CCNH: variants seen among roughly 807,000 people sequenced by gnomAD.
CCNH encodes the protein cyclin-H.
CCNH carries 31 observed loss-of-function variants against 41.9 expected under a neutral mutation model. The ratio of observed to expected loss-of-function variants is 0.74; its 90% confidence interval spans 0.56 to 1.00. CCNH has a LOEUF of 1.00. CCNH is among the 50% of genes least tolerant of loss of function. The pLI is 0.00. For missense variants in CCNH, 362 were observed against 388.4 expected, an observed-to-expected ratio of 0.93 and a Z score of 0.57; for synonymous variants, 138 against 136.1, an observed-to-expected ratio of 1.01 and a Z score of -0.10.
downstream of CCNH, chr5:87,393,679 A>G (rs1214215939): frequency 1.3e-5 from 2 of 152,190 alleles, no homozygotes; most frequent in African/African-American, 2.4e-5. Flanking sequence ...TAGGTTAATT[A>G]TAAGGCTGTG....
chr5:87,371,943 ATGTTAT>A (rs150449762), downstream of CCNH, among the ~76,000 whole-genome samples: 4,484 of 151,908 alleles, frequency 0.03, 92 homozygotes, highest in East Asian at 0.1. Context: ...TGTTATTGTT[ATGTTAT>A]TGTTATTTTA....
Position 87,404,951 on chromosome 5 carries a change from A to T in CCNH, c.582T>A (p.Phe194Leu). Residue 194 changes from phenylalanine (F) to leucine (L), a missense_variant, in exon 5 of 9, where the codon TTT (phenylalanine) becomes TTA (leucine). Phe to Leu is a conservative substitution (Grantham distance 22). Coordinates refer to ENST00000256897, the MANE Select transcript of CCNH (RefSeq NM_001239.4). ...PEILRKTADDFLNRIALTDAY... is the reference protein window; with the variant it reads ...PEILRKTADDLLNRIALTDAY... Reference sequence around the variant, plus strand: ...CATCCGTCAATGCAATTCTATTAAGAAAGTCATCAGCTGTTTTCCTCAAAA... The same window carrying T: ...CATCCGTCAATGCAATTCTATTAAGTAAGTCATCAGCTGTTTTCCTCAAAA... 1 of 1,613,570 alleles carries T rather than the reference A, an allele frequency of 6.2e-7. No homozygotes were observed. The highest frequency in any genetic ancestry group is 8.5e-7 in the Non-Finnish European group (1 of 1,179,572).
chr5:87,356,925 G>T (rs1431228330), intron 9 of CCNH, among the ~76,000 whole-genome samples: 1 of 152,124 alleles, frequency 6.6e-6, no homozygotes, highest in Non-Finnish European at 1.5e-5. Flanking sequence ...TGAGAACAGA[G>T]ATTTTTGTTT....
intron 9 of CCNH, chr5:87,337,990 A>G (rs751601332): frequency 1.2e-6 from 2 of 1,609,192 alleles, no homozygotes; most frequent in East Asian, 2.2e-5. Flanking sequence ...AAAAGGAGAT[A>G]TGTTCATTGT....
At chr5:87,390,702 C>A, downstream of CCNH, 1 of 933,384 alleles carries the variant, frequency 1.1e-6, no homozygotes, top group Non-Finnish European at 1.7e-6. Context: ...TTTTATGCAT[C>A]CTTTTGCTTT....
chr5:87,315,218 AT>A (rs1379423674), downstream of CCNH, among the ~76,000 whole-genome samples: 1 of 152,220 alleles, frequency 6.6e-6, no homozygotes, highest in Non-Finnish European at 1.5e-5. Context: ...CTGGTAATTT[AT>A]TTTAAAAAAC....
At chr5:87,384,953 T>C (rs962854278) in intron 9 of CCNH, among the ~76,000 whole-genome samples, 3 of 152,042 alleles carry the variant, frequency 2.0e-5, no homozygotes, top group Non-Finnish European at 4.4e-5. Context: ...TTGTGAACTG[T>C]CATAAAAGAT....
In CCNH at chr5:87,408,028, A is replaced by T. The variant is rs1333302279; in HGVS notation, c.473T>A (p.Leu158His). Residue 158 changes from leucine to histidine, a missense_variant, in exon 4 of 9, where the codon CTT becomes CAT. Transcript: ENST00000256897. ...LLLIQQLNFH[L>H]IVHNPYRPFE... The stretch of plus-strand genomic sequence containing the variant: ...TGGTCTGTAAGGATTGTGGACAATA[A>T]GGTGGAAATTAAGTTGCTGTATAAG... 6.8e-6 allele frequency: 11 copies of T among 1,613,816 alleles called. No homozygotes were observed. Among genetic ancestry groups the T allele is most frequent in the Non-Finnish European group, 9.3e-6 (11 of 1,179,776 alleles).
chr5:87,320,065 G>A (rs1580252027), intron 9 of CCNH, among the ~76,000 whole-genome samples: 1 of 152,196 alleles, frequency 6.6e-6, no homozygotes, highest in Admixed American at 6.5e-5. Context: ...GGGGCACAAT[G>A]CTGCCAGTCT....
upstream of CCNH, chr5:87,378,423 C>G: frequency 6.2e-7 from 1 of 1,612,838 alleles, no homozygotes; most frequent in Non-Finnish European, 8.5e-7. Context: ...TTTCGAGCCA[C>G]AACACTTGCA....
intron 9 of CCNH, chr5:87,331,625 A>G (rs567438975): frequency 9.1e-7 from 1 of 1,094,578 alleles, no homozygotes; most frequent in Admixed American, 2.0e-5. Context: ...GCTTGTTTTC[A>G]GTCAAATGAT....
chr5:87,384,977 A>G (rs188454564), intron 9 of CCNH, among the ~76,000 whole-genome samples: 83 of 151,946 alleles, frequency 5.5e-4, no homozygotes, highest in Middle Eastern at 3.4e-3. Context: ...AGGAGTGACA[A>G]TCTTTTTTAG....
downstream of CCNH, among the ~76,000 whole-genome samples, chr5:87,317,590 G>A (rs1756435589): frequency 6.6e-6 from 1 of 150,748 alleles, no homozygotes; most frequent in African/African-American, 2.4e-5. Flanking sequence ...TGTTTTTAAG[G>A]AAAAGATGAC....
chr5:87,409,662 G>A (rs1302360140), intron 2 of CCNH, among the ~76,000 whole-genome samples: 1 of 150,384 alleles, frequency 6.6e-6, no homozygotes, highest in Non-Finnish European at 1.5e-5. Flanking sequence ...GTGTGTGTGT[G>A]TATTAGAAAT....
intron 6 of CCNH, among the ~76,000 whole-genome samples, chr5:87,400,065 T>C (rs1024025864): frequency 7.2e-5 from 11 of 152,212 alleles, no homozygotes; most frequent in Non-Finnish European, 1.6e-4. Flanking sequence ...ATCAGTAACT[T>C]TATAATTGCA....
chr5:87,382,447 T>C (rs1270587629), intron 9 of CCNH, among the ~76,000 whole-genome samples: 1 of 152,222 alleles, frequency 6.6e-6, no homozygotes, highest in Non-Finnish European at 1.5e-5. Flanking sequence ...ATAATGCTTG[T>C]CTTTACATGG....
intron 9 of CCNH, among the ~76,000 whole-genome samples, chr5:87,344,279 A>G (rs1429231811): frequency 1.3e-5 from 2 of 152,166 alleles, no homozygotes; most frequent in Non-Finnish European, 2.9e-5. Flanking sequence ...ATATGCTTGT[A>G]TCAAAACATC....
At position 87,341,334 on chromosome 5, in the gene CCNH, T is replaced by C. The variant is rs936222588; in HGVS notation, c.*91-22437A>G. 23 of 1,311,032 alleles carry C rather than the reference T, an allele frequency of 1.8e-5. No individual in the cohort carries two copies. The African/African-American group carries it at 3.2e-4, about 18-fold the overall frequency. The allele number at this position is 1,311,032 out of a possible 1,614,324, so 81.2% of individuals were successfully genotyped here. Reference sequence around the variant, plus strand: ...ATGAAGGAAAAATGTGAGTTTGTGTTAATTATTAAAATGAAAAAAAAAATC... The same window carrying C: ...ATGAAGGAAAAATGTGAGTTTGTGTCAATTATTAAAATGAAAAAAAAAATC... On this transcript the variant is annotated intron_variant and NMD_transcript_variant, in intron 9 of 9. Transcript: ENST00000645953.
chr5:87,359,830 G>GT (rs1225817604), intron 9 of CCNH, among the ~76,000 whole-genome samples: 2 of 152,136 alleles, frequency 1.3e-5, no homozygotes, highest in African/African-American at 4.8e-5. Context: ...GAATTTAAAT[G>GT]TAGCGTACCC....
Sources: allele counts gnomAD v4.1 joint callset (sites outside exome capture counted in the v4.1 genomes callset), GRCh38; gene constraint gnomAD v4.1.1; transcripts MANE v1.5; gene names NCBI Gene and HGNC (gene_info 2026-07-23, HGNC 2026-07-21).